The following PDE9A variants were observed in gnomAD, a reference collection of about 807,000 sequenced individuals.
PDE9A encodes high affinity cGMP-specific 3',5'-cyclic phosphodiesterase 9A.
A neutral mutation model predicts 87.4 loss-of-function variants in PDE9A; 60 were observed. That is an observed-to-expected ratio of 0.69 (90% confidence interval 0.56 to 0.85). The LOEUF (loss-of-function observed/expected upper bound fraction) is 0.85, where lower values mean the gene tolerates loss of function less well. Among genes scored for constraint, PDE9A ranks in the 40% least tolerant of loss-of-function variants. PDE9A has a pLI of 0.00. For missense variants in PDE9A, 665 were observed against 779.0 expected, an observed-to-expected ratio of 0.85 and a Z score of 1.74; for synonymous variants, 272 against 279.4, an observed-to-expected ratio of 0.97 and a Z score of 0.27.
intron 3 of PDE9A, chr21:42,689,506 T>G: frequency 2.0e-6 from 2 of 984,482 alleles, no homozygotes; most frequent in Non-Finnish European, 2.4e-6. Context: ...CCCACAAGAC[T>G]AAAATGATCT....
chr21:42,720,204 T>C (rs4920139), intron 4 of PDE9A, among the ~76,000 whole-genome samples: 105,162 of 152,146 alleles, frequency 0.69, 37,711 homozygotes, highest in East Asian at 0.94. Context: ...CTTAGAAGTT[T>C]ACCCCTCCGC....
chr21:42,701,986 C>T (rs1259294220), intron 4 of PDE9A, among the ~76,000 whole-genome samples: 4 of 152,038 alleles, frequency 2.6e-5, no homozygotes, highest in African/African-American at 9.7e-5. Flanking sequence ...TTTGGTTTAA[C>T]CTGCTTGGTG....
chr21:42,670,337 CACATACATTT>C (rs1474054268), intron 1 of PDE9A, among the ~76,000 whole-genome samples: 4 of 98,954 alleles, frequency 4.0e-5, no homozygotes, highest in Non-Finnish European at 8.3e-5. Flanking sequence ...CACACACATT[CACATACATTT>C]ACACACACAT....
intron 4 of PDE9A, among the ~76,000 whole-genome samples, chr21:42,719,157 A>G (rs180960421): frequency 2.0e-5 from 3 of 151,834 alleles, no homozygotes; most frequent in Admixed American, 2.0e-4. Flanking sequence ...CCACCAAGGA[A>G]CAGGGTAGTT....
chr21:42,696,155 A>G lies in PDE9A; in HGVS notation c.219-2813A>G, dbSNP rs1389652130. On this transcript the variant is annotated intron_variant, in intron 3 of 19. Coordinates refer to ENST00000291539, the MANE Select transcript of PDE9A (RefSeq NM_002606.3). This position sits in a 1 kb window ranked among gnomAD's most constrained non-coding sequence, Gnocchi z 5.1. ...TCCATTTGGGTGGATGAGCAGGCCC[A>G]GTGCCCCTGTATGAGGGGAAGTTGT... 6.6e-6 allele frequency among the ~76,000 whole-genome samples: 1 copy of G among 152,198 alleles called. No homozygotes were observed. The highest frequency in any genetic ancestry group is 2.4e-5 in the African/African-American group (1 of 41,460).
rs2059889756 is a variant in PDE9A, at chr21:42,692,300, A to G, written c.218+4306A>G. 6.6e-6 allele frequency among the ~76,000 whole-genome samples: 1 copy of G among 152,084 alleles called. No homozygotes were observed. The highest frequency in any genetic ancestry group is 2.4e-5 in the African/African-American group (1 of 41,418). Reference sequence around the variant, plus strand: ...ACGTCTGGAGACATTTCTGGATGTCACCAGGGGTAAGGGCCTGCTACTTGT... The same window carrying G: ...ACGTCTGGAGACATTTCTGGATGTCGCCAGGGGTAAGGGCCTGCTACTTGT... On this transcript the variant is annotated intron_variant, in intron 3 of 19. Transcript: ENST00000291539. This position sits in a 1 kb window ranked among gnomAD's most constrained non-coding sequence, Gnocchi z 4.3.
In PDE9A at chr21:42,675,441, GAAAGCA is replaced by G. The variant is rs2058797369; in HGVS notation, c.70-10750_70-10745del. 6.6e-6 allele frequency among the ~76,000 whole-genome samples: 1 copy of G among 152,236 alleles called. No homozygotes were observed. The highest frequency in any genetic ancestry group is 2.1e-4 in the South Asian group (1 of 4,834). On this transcript the variant is annotated intron_variant, in intron 1 of 19. Transcript: ENST00000291539. This position sits in a 1 kb window ranked among gnomAD's most constrained non-coding sequence, Gnocchi z 4.3. ...TGGAGATTAGATTAGATCGTCCGTG[GAAAGCA>G]CCAGAATGGTGCCTGGCACTTAATA...
In PDE9A at chr21:42,663,913, A is replaced by C. The variant is rs2057778294; in HGVS notation, c.69+10030A>C. On this transcript the variant is annotated intron_variant, in intron 1 of 19. Transcript: ENST00000291539. ...CCAGGTGTTGATGGCTGAGGTCATC[A>C]GCTGGATGCCAGGACACCCAGGATG... Among the ~76,000 whole-genome samples the C allele has an allele frequency of 2.0e-5, 3 of 152,190 alleles. No homozygotes were observed. In the South Asian group the frequency reaches 6.2e-4, roughly 32 times the overall value.
intron 4 of PDE9A, among the ~76,000 whole-genome samples, chr21:42,730,382 C>T (rs1349233705): frequency 2.6e-5 from 4 of 152,042 alleles, no homozygotes; most frequent in Admixed American, 2.0e-4. Context: ...TCTACCCTCT[C>T]GTTTGACAGG....
At chr21:42,768,442 A>C in intron 16 of PDE9A, 150 bp downstream of exon 16, 1 of 1,059,474 alleles carries the variant, frequency 9.4e-7, no homozygotes, top group Non-Finnish European at 1.3e-6. Context: ...GGGTAAGCGT[A>C]CATCAGAAAC....
rs999759659 is a variant in PDE9A, at chr21:42,688,129, G to A, written c.218+135G>A. 12 of 746,664 alleles carry A rather than the reference G, an allele frequency of 1.6e-5. No homozygotes were observed. The East Asian group carries it at 3.2e-4, about 20-fold the overall frequency. 46.3% of individuals were successfully genotyped at this position (746,664 alleles called of 1,614,324 possible). A position where few individuals can be genotyped will look rare whatever the true frequency, so the allele number is the denominator to read the frequency against. On this transcript the variant is annotated intron_variant, in intron 3 of 19. Coordinates refer to ENST00000291539, the MANE Select transcript of PDE9A (RefSeq NM_002606.3). ...CAGCAGAGATGGAGAGCGAGGGTAG[G>A]AGCCAGTGTGAAGGAAGCTTGACTC...
rs1042086310 is a variant in PDE9A at position 42,702,700 on chromosome 21, C to G, written c.262+3689C>G. On this transcript the variant is annotated intron_variant, in intron 4 of 19. Transcript: ENST00000291539. The surrounding 1 kb of genome is among the most constrained non-coding windows in gnomAD (Gnocchi z 4.9). ...GAATGGCTCTAGAGGGCCCTTACCCCAGGGATAGCTCAGTCCTACTAAGAC... is the reference window on the plus strand; with the variant it reads ...GAATGGCTCTAGAGGGCCCTTACCCGAGGGATAGCTCAGTCCTACTAAGAC... Among the ~76,000 whole-genome samples, 15 of 152,382 alleles carry G rather than the reference C, an allele frequency of 9.8e-5. No homozygotes were observed. The East Asian group carries it at 2.3e-3, about 23-fold the overall frequency.
At chr21:42,654,264 G>T (rs908730013) in intron 1 of PDE9A, among the ~76,000 whole-genome samples, 1 of 152,148 alleles carries the variant, frequency 6.6e-6, no homozygotes, top group Non-Finnish European at 1.5e-5. Context: ...GCTTCCTGTC[G>T]CGCGGGGGCA....
intron 1 of PDE9A, among the ~76,000 whole-genome samples, chr21:42,664,747 A>G (rs533171996): frequency 1.3e-5 from 2 of 152,194 alleles, no homozygotes; most frequent in Admixed American, 1.3e-4. Flanking sequence ...CACCAACTTC[A>G]CTCACCACTC....
intron 1 of PDE9A, among the ~76,000 whole-genome samples, chr21:42,678,882 C>T (rs775290636): frequency 2.0e-5 from 3 of 152,242 alleles, no homozygotes; most frequent in African/African-American, 7.2e-5. Flanking sequence ...CAGCGTGGCA[C>T]GGCACCCACT....
At position 42,725,004 on chromosome 21, in the gene PDE9A, G is replaced by A. The variant is rs544434748; in HGVS notation, c.263-6766G>A. The stretch of plus-strand genomic sequence containing the variant: ...GGATAGGTTCACACGCTGCTGTAAT[G>A]ATGCATGCAGAGAAAGCCCACTCAT... On this transcript the variant is annotated intron_variant, in intron 4 of 19. Coordinates refer to ENST00000291539, the MANE Select transcript of PDE9A (RefSeq NM_002606.3). 3.9e-5 allele frequency among the ~76,000 whole-genome samples: 6 copies of A among 152,192 alleles called. No homozygotes were observed. In the South Asian group the frequency reaches 1.2e-3, roughly 32 times the overall value.
At chr21:42,674,686 G>A (rs2058750679) in intron 1 of PDE9A, among the ~76,000 whole-genome samples, 1 of 152,050 alleles carries the variant, frequency 6.6e-6, no homozygotes, top group Non-Finnish European at 1.5e-5. Context: ...TTTCCTCCAG[G>A]AACCTTCCTC....
intron 10 of PDE9A, among the ~76,000 whole-genome samples, chr21:42,756,305 A>G (rs1393793118): frequency 6.6e-6 from 1 of 152,184 alleles, no homozygotes; most frequent in Non-Finnish European, 1.5e-5. Flanking sequence ...GTGAGTGGCA[A>G]AGAGGGACAA....
At chr21:42,655,329 C>G (rs1037414260) in intron 1 of PDE9A, among the ~76,000 whole-genome samples, 6 of 152,172 alleles carry the variant, frequency 3.9e-5, no homozygotes, top group Non-Finnish European at 8.8e-5. Flanking sequence ...GTAGCAGGTC[C>G]GTCCTAAGAA....
Sources: allele counts gnomAD v4.1 joint callset (sites outside exome capture counted in the v4.1 genomes callset), GRCh38; gene constraint gnomAD v4.1.1; non-coding constraint Gnocchi (gnomAD v3.1); transcripts MANE v1.5; gene names NCBI Gene and HGNC (gene_info 2026-07-23, HGNC 2026-07-21).